EFCAB5: variants seen among roughly 807,000 people sequenced by gnomAD.
The protein encoded by EFCAB5 is EF-hand calcium-binding domain-containing protein 5.
EFCAB5 carries 131 observed loss-of-function variants against 167.9 expected under a neutral mutation model. That is an observed-to-expected ratio of 0.78 (90% CI 0.68 to 0.90). EFCAB5 has a LOEUF of 0.90. Ranked by LOEUF, EFCAB5 falls within the 40% of genes least tolerant of loss-of-function variation. EFCAB5 has a pLI of 0.00. For synonymous variants in EFCAB5, 574 were observed against 602.8 expected, an observed-to-expected ratio of 0.95 and a Z score of 0.70; for missense variants, 1,663 against 1,745.2, an observed-to-expected ratio of 0.95 and a Z score of 0.84.
chr17:30,018,371 CAAAGTT>C (rs1206213476), intron 7 of EFCAB5, among the ~76,000 whole-genome samples: 1 of 151,988 alleles, frequency 6.6e-6, no homozygotes, highest in Non-Finnish European at 1.5e-5. Flanking sequence ...AGTTCATCCT[CAAAGTT>C]AAAGAGTTTA....
intron 8 of EFCAB5, among the ~76,000 whole-genome samples, chr17:30,043,868 C>G (rs1417957128): frequency 6.6e-6 from 1 of 152,252 alleles, no homozygotes; most frequent in African/African-American, 2.4e-5. Context: ...CAGAAATTGA[C>G]AAACTATTCT....
At chr17:29,949,046 A>T (rs1240034549) in intron 3 of EFCAB5, among the ~76,000 whole-genome samples, 1 of 152,220 alleles carries the variant, frequency 6.6e-6, no homozygotes, top group Non-Finnish European at 1.5e-5. Context: ...CAGCTTAAGT[A>T]GCCCTGCTGG....
At chr17:30,082,164 AGT>A (rs1219242969) in intron 17 of EFCAB5, among the ~76,000 whole-genome samples, 1 of 152,198 alleles carries the variant, frequency 6.6e-6, no homozygotes, top group Non-Finnish European at 1.5e-5. Flanking sequence ...ATCTGATGAT[AGT>A]GGCCATGTCT....
intron 14 of EFCAB5, among the ~76,000 whole-genome samples, chr17:30,075,899 AAAG>A (rs765781896): frequency 3.9e-5 from 6 of 152,260 alleles, no homozygotes; most frequent in Non-Finnish European, 5.9e-5. Context: ...GAAAGGGGAA[AAAG>A]AAGAAGAAAT....
Position 30,086,543 on chromosome 17 carries a change from C to T in EFCAB5, c.3580-520C>T, listed in dbSNP as rs570795869. On this transcript the variant is annotated intron_variant, in intron 18 of 22. Transcript: ENST00000394835. ...GGTGGATCACCTGAGGTCAGGAGTT[C>T]GAGACCAGCCTGGCCAACATGGTTA... is the stretch of plus-strand genomic sequence containing the variant. Among the ~76,000 whole-genome samples, 278 of 151,582 alleles carry T rather than the reference C, an allele frequency of 1.8e-3. 2 individuals carry two copies. The highest frequency in any genetic ancestry group is 6.4e-3 in the African/African-American group (265 of 41,270).
chr17:30,070,811 A>G (rs527499173), intron 14 of EFCAB5, among the ~76,000 whole-genome samples: 42 of 151,956 alleles, frequency 2.8e-4, no homozygotes, highest in African/African-American at 9.4e-4. Flanking sequence ...TTAGCCAGGC[A>G]TGGTGGCACG....
chr17:30,055,489 AAG>A (rs2070234199), intron 10 of EFCAB5, among the ~76,000 whole-genome samples: 1 of 152,202 alleles, frequency 6.6e-6, no homozygotes, highest in African/African-American at 2.4e-5. Flanking sequence ...AAGAAGGAAA[AAG>A]AAATTCATGC....
rs747821671 is a variant in EFCAB5, at chr17:30,053,499, A to G, written c.1545A>G (p.Glu515=). Residue 515 remains glutamate (E), a synonymous_variant, in exon 10 of 23, where the codon GAA becomes GAG. Transcript: ENST00000394835. Reference sequence around the variant, plus strand: ...AACAGCAGAGAGGAGTAACTGCAGAACAAGGACCACAAAGAATTTCAATTG... The same window carrying G: ...AACAGCAGAGAGGAGTAACTGCAGAGCAAGGACCACAAAGAATTTCAATTG... ...PPEQQRGVTA[E]QGPQRISIEE... is the part of the protein sequence containing the mutation. The G allele has an allele frequency of 1.1e-4, 173 of 1,613,908 alleles. 1 individual carries two copies. The highest frequency in any genetic ancestry group is 1.3e-4 in the Non-Finnish European group (158 of 1,179,890).
chr17:30,054,294 TTAGTC>T, intron 10 of EFCAB5, 146 bp downstream of exon 10: 1 of 994,972 alleles, frequency 1.0e-6, no homozygotes, highest in East Asian at 2.6e-5. Flanking sequence ...CTGCTCCACA[TTAGTC>T]TAGACCTTGA....
rs554112879 is a variant in EFCAB5, at chr17:30,073,136, G to A, written c.2738-5079G>A. 197 of 698,430 alleles carry A rather than the reference G, an allele frequency of 2.8e-4. No individual in the cohort carries two copies. The African/African-American group carries it at 3.2e-3, about 11-fold the overall frequency. 43.3% of individuals were successfully genotyped at this position (698,430 alleles called of 1,614,324 possible). A position where few individuals can be genotyped will look rare whatever the true frequency, so the allele number is the denominator to read the frequency against. On this transcript the variant is annotated intron_variant, in intron 14 of 22. Coordinates refer to ENST00000394835, the MANE Select transcript of EFCAB5 (RefSeq NM_198529.4). Reference sequence around the variant, plus strand: ...AGTGGCGCAACTGTAGCTCACTGCAGCCTCCAACTCCCGGACTCAAGCGAT... The same window carrying A: ...AGTGGCGCAACTGTAGCTCACTGCAACCTCCAACTCCCGGACTCAAGCGAT...
At chr17:30,088,210 A>T (rs1203470028) in intron 19 of EFCAB5, among the ~76,000 whole-genome samples, 2 of 151,818 alleles carry the variant, frequency 1.3e-5, no homozygotes, top group Admixed American at 1.3e-4. Flanking sequence ...GCAGTCTCAA[A>T]CTCCTGGACT....
At chr17:30,076,854 C>T (rs1015584994) in intron 14 of EFCAB5, among the ~76,000 whole-genome samples, 1 of 152,188 alleles carries the variant, frequency 6.6e-6, no homozygotes, top group Non-Finnish European at 1.5e-5. Flanking sequence ...TAGTAACACA[C>T]ATTGGTGAAA....
chr17:30,033,800 C>T (rs890527522), intron 7 of EFCAB5, among the ~76,000 whole-genome samples: 3 of 152,192 alleles, frequency 2.0e-5, no homozygotes, highest in Admixed American at 6.5e-5. Context: ...TGATCCTTGT[C>T]GCTTACACTC....
At chr17:30,023,830 AC>A (rs1353216181) in intron 7 of EFCAB5, among the ~76,000 whole-genome samples, 2 of 152,188 alleles carry the variant, frequency 1.3e-5, no homozygotes, top group Non-Finnish European at 2.9e-5. Context: ...AAGCTTATCC[AC>A]CATGATCAAG....
At chr17:30,026,602 A>G (rs938965090) in intron 7 of EFCAB5, among the ~76,000 whole-genome samples, 25 of 152,314 alleles carry the variant, frequency 1.6e-4, no homozygotes, top group African/African-American at 6.0e-4. Context: ...TTTTATTTCC[A>G]GGACTTTTTT....
intron 8 of EFCAB5, among the ~76,000 whole-genome samples, chr17:30,036,159 T>C (rs1001484547): frequency 2.1e-5 from 3 of 142,030 alleles, no homozygotes; most frequent in African/African-American, 7.7e-5. Context: ...TAATATATTA[T>C]TATATATAAT....
At chr17:29,963,939 C>T (rs1555549836) in intron 3 of EFCAB5, among the ~76,000 whole-genome samples, 1 of 151,374 alleles carries the variant, frequency 6.6e-6, no homozygotes, top group Non-Finnish European at 1.5e-5. Flanking sequence ...GTACCCCTTC[C>T]CTCTCTCTCT....
Position 29,980,240 on chromosome 17 carries a change from T to G in EFCAB5, c.767+10873T>G, listed in dbSNP as rs59375694. ...AGTCAATTAGTATTTATTGCATAAC[T>G]ACTGAGTTCTCAGTGGTGAGCTATA... On this transcript the variant is annotated intron_variant, in intron 4 of 22. Transcript: ENST00000394835. 4.1e-3 allele frequency among the ~76,000 whole-genome samples: 626 copies of G among 152,314 alleles called. 5 individuals are homozygous for G. The highest frequency in any genetic ancestry group is 0.014 in the African/African-American group (594 of 41,566).
intron 7 of EFCAB5, among the ~76,000 whole-genome samples, chr17:30,016,331 C>T (rs1483770945): frequency 2.0e-5 from 3 of 152,064 alleles, no homozygotes; most frequent in African/African-American, 7.2e-5. Flanking sequence ...AATTCAAGGT[C>T]ATATATTCCT....
Sources: allele counts gnomAD v4.1 joint callset (sites outside exome capture counted in the v4.1 genomes callset), GRCh38; gene constraint gnomAD v4.1.1; transcripts MANE v1.5; gene names NCBI Gene and HGNC (gene_info 2026-07-23, HGNC 2026-07-21).